The following STAU1 variants were observed in gnomAD, a reference collection of about 807,000 sequenced individuals.
The protein encoded by STAU1 is staufen double-stranded RNA binding protein 1.
In STAU1, 13 loss-of-function variants were observed where a neutral mutation model predicts 62.9. The observed-to-expected ratio is 0.21, with a 90% confidence interval of 0.13 to 0.33. STAU1 has a LOEUF of 0.33. STAU1 is among the 10% of genes least tolerant of loss of function. The pLI is 1.00. For missense variants in STAU1, 571 were observed against 712.1 expected (o/e 0.80, Z 2.25); for synonymous variants, 269 against 265.1 (o/e 1.01, Z -0.14).
At chr20:49,161,452 A>G (rs1408060118) in intron 3 of STAU1, among the ~76,000 whole-genome samples, 1 of 152,256 alleles carries the variant, frequency 6.6e-6, no homozygotes, top group Non-Finnish European at 1.5e-5. Context: ...AGACAACCTC[A>G]TCAGTTTGAA....
At chr20:49,139,726 C>CA (rs879507916) in intron 5 of STAU1, among the ~76,000 whole-genome samples, 389 of 123,816 alleles carry the variant, frequency 3.1e-3, no homozygotes, top group South Asian at 0.01. Flanking sequence ...AACTCTGTTT[C>CA]AAAAAAAAAA....
At chr20:49,185,330 G>A (rs2093774286) in intron 1 of STAU1, among the ~76,000 whole-genome samples, 1 of 152,184 alleles carries the variant, frequency 6.6e-6, no homozygotes, top group African/African-American at 2.4e-5. Context: ...ATCTGTATTT[G>A]TTCGCTTTTC....
intron 3 of STAU1, among the ~76,000 whole-genome samples, 194 bp downstream of exon 3, chr20:49,165,803 T>C (rs995651247): frequency 7.2e-6 from 1 of 138,394 alleles, no homozygotes; most frequent in Non-Finnish European, 1.6e-5. Context: ...CCTACAATCG[T>C]CTGTCAACTG....
At chr20:49,144,276 T>C (rs1025727122) in intron 5 of STAU1, among the ~76,000 whole-genome samples, 2 of 131,024 alleles carry the variant, frequency 1.5e-5, no homozygotes, top group Non-Finnish European at 1.6e-5. Flanking sequence ...TAAAAGAATG[T>C]TGTCACACGT....
intron 3 of STAU1, among the ~76,000 whole-genome samples, chr20:49,162,050 C>T (rs963840376): frequency 3.3e-5 from 5 of 152,162 alleles, no homozygotes; most frequent in African/African-American, 1.2e-4. Flanking sequence ...CCAGCTGTAC[C>T]CCGCCCATTA....
At chr20:49,115,085 G>C (rs1042351548) in intron 13 of STAU1, among the ~76,000 whole-genome samples, 192 bp from the exon 14 acceptor site, 2 of 151,938 alleles carry the variant, frequency 1.3e-5, no homozygotes, top group Admixed American at 6.6e-5. Context: ...TTATCTCTGT[G>C]GGGGGAAAGG....
chr20:49,158,395 A>G (rs1414745745), intron 3 of STAU1: 5 of 1,194,458 alleles, frequency 4.2e-6, no homozygotes, highest in Non-Finnish European at 5.6e-6. Flanking sequence ...CAGTATGTCT[A>G]GGTCATTTAA....
At chr20:49,159,013 A>T (rs1297280613) in intron 3 of STAU1, 1 of 1,288,658 alleles carries the variant, frequency 7.8e-7, no homozygotes, top group African/African-American at 1.5e-5. Context: ...CAGGCTACTC[A>T]TTTAAGTACA....
intron 3 of STAU1, among the ~76,000 whole-genome samples, chr20:49,158,258 G>T (rs1052599749): frequency 5.3e-5 from 8 of 152,050 alleles, no homozygotes; most frequent in Non-Finnish European, 7.4e-5. Flanking sequence ...CTCCAGCCTG[G>T]GTGATGACAG....
chr20:49,124,409 G>A lies in STAU1; in HGVS notation c.788C>T (p.Pro263Leu), dbSNP rs748552254. Residue 263 changes from proline (P) to leucine (L), a missense_variant, in exon 7 of 14, where the codon CCT (proline) becomes CTT (leucine). Pro to Leu is a moderately conservative substitution (Grantham distance 98). Around this residue, in one of 3 missense-constraint regions of STAU1, gnomAD observed 414 missense variants for 499.6 expected, o/e 0.83. Coordinates refer to ENST00000371856, the MANE Select transcript of STAU1 (RefSeq NM_017453.4). Reference sequence around the variant, plus strand: ...GGGTTTTGTTTTCTTTTTGATTCTAGGCTTTACTCGTTCAACTGCAGGCAG... The same window carrying A: ...GGGTTTTGTTTTCTTTTTGATTCTAAGCTTTACTCGTTCAACTGCAGGCAG... ...PPLPAVERVK[P>L]RIKKKTKPIV... is the part of the protein sequence containing the mutation. 6.2e-7 allele frequency: 1 copy of A among 1,613,988 alleles called. No individual in the cohort carries two copies. The highest frequency in any genetic ancestry group is 1.3e-5 in the African/African-American group (1 of 74,888).
chr20:49,196,730 C>T, the STAU1 span, among the ~76,000 whole-genome samples: 3 of 150,778 alleles, frequency 2.0e-5, no homozygotes, highest in South Asian at 6.3e-4. Context: ...AGACATGGCA[C>T]CACAGTACCC....
chr20:49,211,901 CA>C, the STAU1 span, among the ~76,000 whole-genome samples: 2 of 152,180 alleles, frequency 1.3e-5, no homozygotes, highest in Non-Finnish European at 2.9e-5. Flanking sequence ...GAAGAACTAC[CA>C]AACTGTTTTC....
rs1467426966 is a variant in STAU1, at chr20:49,118,423, A to AG, written c.1114-16dup. ...TTTATGGGTGTCTTAAAAAAGAAGA[A>AG]GAAAAAAAAAAGGCCATGAGCATAA... On this transcript the variant is annotated splice_polypyrimidine_tract_variant and intron_variant, in intron 9 of 13. Transcript: ENST00000371856. The AG allele has an allele frequency of 7.0e-6, 11 of 1,580,808 alleles. No individual in the cohort carries two copies. Among genetic ancestry groups the AG allele is most frequent in the Non-Finnish European group, 9.5e-6 (11 of 1,158,524 alleles).
chr20:49,130,966 C>T (rs2092736097), intron 6 of STAU1, among the ~76,000 whole-genome samples: 1 of 152,082 alleles, frequency 6.6e-6, no homozygotes, highest in Non-Finnish European at 1.5e-5. Context: ...GCTGGAACCA[C>T]CGGGGAGACC....
chr20:49,130,758 G>A (rs1291410472), intron 6 of STAU1, among the ~76,000 whole-genome samples: 14 of 152,102 alleles, frequency 9.2e-5, no homozygotes, highest in Admixed American at 9.2e-4. Context: ...TCCCTGAGGG[G>A]TGGGTGTGGT....
intron 7 of STAU1, among the ~76,000 whole-genome samples, chr20:49,124,098 G>A (rs983362742): frequency 2.6e-5 from 4 of 152,180 alleles, no homozygotes; most frequent in African/African-American, 9.7e-5. Flanking sequence ...CCGGCATGGC[G>A]TTCCTGCCCA....
At chr20:49,126,574 C>CAAAAAAAAAAAAA (rs58056780) in intron 6 of STAU1, among the ~76,000 whole-genome samples, 29 of 24,834 alleles carry the variant, frequency 1.2e-3, no homozygotes, top group Middle Eastern at 0.042. Flanking sequence ...TCTCAAAAAG[C>CAAAAAAAAAAAAA]AAAAAAAAAA....
In STAU1 at chr20:49,154,082, G is replaced by T; in HGVS notation, c.206-11C>A. On this transcript the variant is annotated splice_polypyrimidine_tract_variant and intron_variant, in intron 3 of 13. Coordinates refer to ENST00000371856, the MANE Select transcript of STAU1 (RefSeq NM_017453.4). ...TAGGGGTTATGCTTTCTGCAAGAAA[G>T]AATCGACAAAGAACTGTTTTTTTCT... 6.3e-7 allele frequency: 1 copy of T among 1,588,850 alleles called. No homozygotes were observed. Among genetic ancestry groups the T allele is most frequent in the East Asian group, 2.2e-5 (1 of 44,634 alleles).
the STAU1 span, among the ~76,000 whole-genome samples, chr20:49,205,676 CTT>C: frequency 7.7e-5 from 9 of 116,544 alleles, no homozygotes; most frequent in Admixed American, 8.7e-5. Flanking sequence ...AGTTAGCTTT[CTT>C]TTTTTTTTTT....
Sources: allele counts gnomAD v4.1 joint callset (sites outside exome capture counted in the v4.1 genomes callset), GRCh38; gene constraint gnomAD v4.1.1; regional missense constraint gnomAD v4.1.1; transcripts MANE v1.5; gene names NCBI Gene and HGNC (gene_info 2026-07-23, HGNC 2026-07-21).